HMCN1: variants seen among roughly 807,000 people sequenced by gnomAD.
The protein encoded by HMCN1 is hemicentin 1, also known as hemicentin-1.
A neutral mutation model predicts 625.9 loss-of-function variants in HMCN1; 321 were observed. The observed-to-expected ratio is 0.51, with a 90% CI of 0.47 to 0.56. The LOEUF is 0.56. Among genes scored for constraint, HMCN1 ranks in the 20% least tolerant of loss-of-function variants. The probability of loss-of-function intolerance (pLI) is 0.00; values close to 1 mark genes in which losing one functional copy is unlikely to be tolerated. For synonymous variants in HMCN1, 2,425 were observed against 2,417.6 expected, an observed-to-expected ratio of 1.00 and a Z score of -0.09; for missense variants, 6,588 against 6,887.3, an observed-to-expected ratio of 0.96 and a Z score of 1.54.
chr1:185,803,204 G>GA (rs1557981375), intron 1 of HMCN1, among the ~76,000 whole-genome samples: 37 of 23,706 alleles, frequency 1.6e-3, no homozygotes, highest in Non-Finnish European at 2.0e-3. Context: ...AAAAAAAAAA[G>GA]CAAAAAAAAA....
At chr1:185,772,297 T>C (rs1046602820) in intron 1 of HMCN1, among the ~76,000 whole-genome samples, 1 of 152,140 alleles carries the variant, frequency 6.6e-6, no homozygotes, top group Non-Finnish European at 1.5e-5. Context: ...CTTTAAAAGA[T>C]AACTCTCAAA....
intron 29 of HMCN1, among the ~76,000 whole-genome samples, chr1:186,006,699 T>G (rs1235571205): frequency 1.3e-5 from 2 of 151,570 alleles, no homozygotes; most frequent in African/African-American, 2.4e-5. Context: ...TATAATGATA[T>G]TATTTAAAAA....
At position 185,977,836 on chromosome 1, in the gene HMCN1, C is replaced by G; in HGVS notation, c.2421C>G (p.Gly807=). ...QEPADVSMEI[G]SNVTLPCYVQ... ...CTGCTGATGTGTCTATGGAAATTGG[C>G]TCAAATGTGACATTACCTTGTTATG... Residue 807 remains glycine (G), a synonymous_variant, in exon 16 of 107, where the codon GGC becomes GGG. Transcript: ENST00000271588. 1 of 1,613,228 alleles carries G rather than the reference C, an allele frequency of 6.2e-7. No individual in the cohort carries two copies. The highest frequency in any genetic ancestry group is 8.5e-7 in the Non-Finnish European group (1 of 1,179,422).
intron 55 of HMCN1, among the ~76,000 whole-genome samples, chr1:186,078,696 G>T (rs1482237960): frequency 6.6e-6 from 1 of 152,154 alleles, no homozygotes; most frequent in Non-Finnish European, 1.5e-5. Flanking sequence ...TGAAGCCCTA[G>T]AATTGAATTT....
intron 105 of HMCN1, among the ~76,000 whole-genome samples, chr1:186,184,662 A>AAATT: frequency 7.8e-6 from 1 of 127,620 alleles, no homozygotes. Flanking sequence ...TCAAGAATCT[A>AAATT]AATTACTTAT....
intron 46 of HMCN1, among the ~76,000 whole-genome samples, chr1:186,060,029 A>G (rs768955750): frequency 3.9e-5 from 6 of 152,058 alleles, no homozygotes; most frequent in Admixed American, 3.3e-4. Context: ...CCTAATTGAC[A>G]TAAGTTTTTA....
At chr1:186,162,962 C>T (rs1443009435) in intron 97 of HMCN1, among the ~76,000 whole-genome samples, 1 of 152,208 alleles carries the variant, frequency 6.6e-6, no homozygotes, top group Non-Finnish European at 1.5e-5. Flanking sequence ...ACATTTAAGT[C>T]TGCAGAGGTT....
At chr1:185,924,972 T>C in intron 8 of HMCN1, 75 bp from the exon 9 acceptor site, 1 of 1,243,778 alleles carries the variant, frequency 8.0e-7, no homozygotes, top group Admixed American at 2.0e-5. Flanking sequence ...TTTGAATGGA[T>C]TAAGAGGCAG....
At position 186,189,648 on chromosome 1, in the gene HMCN1, G is replaced by GA; in HGVS notation, c.16679dup (p.Asp5560GlufsTer15). The GA allele has an allele frequency of 6.2e-7, 1 of 1,612,298 alleles. No homozygotes were observed. The highest frequency in any genetic ancestry group is 8.5e-7 in the Non-Finnish European group (1 of 1,178,886). On this transcript the variant is annotated frameshift_variant, in exon 107 of 107. Coordinates refer to ENST00000271588, the MANE Select transcript of HMCN1 (RefSeq NM_031935.3). LOFTEE classifies it high-confidence loss of function. Reference sequence around the variant, plus strand: ...AATCCGGCTGGTTGCATACACACAGGATGGAGTGATGCATCCCAGGACAAC... The same window carrying GA: ...AATCCGGCTGGTTGCATACACACAGGAATGGAGTGATGCATCCCAGGACAAC...
At chr1:186,062,169 A>G (rs1657746583) in intron 47 of HMCN1, among the ~76,000 whole-genome samples, 1 of 152,168 alleles carries the variant, frequency 6.6e-6, no homozygotes, top group Non-Finnish European at 1.5e-5. Flanking sequence ...TTAATTCACA[A>G]TTGCTCAACA....
In HMCN1 at chr1:186,151,205, C is replaced by A; in HGVS notation, c.14614C>A (p.Pro4872Thr). 1 of 1,613,556 alleles carries A rather than the reference C, an allele frequency of 6.2e-7. No individual in the cohort carries two copies. ...RCNVQACPGGPQRARGSVIGN... is the reference protein window; with the variant it reads ...RCNVQACPGGTQRARGSVIGN... The stretch of plus-strand genomic sequence containing the variant: ...GTTTTTTTTTCCCCCAATAGGTGGG[C>A]CCCAGCGAGCCAGAGGAAGTGTTAT... Residue 4872 changes from proline (P) to threonine (T), a missense_variant, in exon 94 of 107, where the codon CCC (proline) becomes ACC (threonine). Physicochemically the swap from Pro to Thr is conservative, Grantham distance 38 (BLOSUM62 -1). Around this residue, in one of 3 missense-constraint regions of HMCN1, gnomAD observed 1,954 missense variants for 2,013.1 expected, o/e 0.97. Transcript: ENST00000271588.
At chr1:185,913,200 G>A (rs1470933472) in intron 6 of HMCN1, among the ~76,000 whole-genome samples, 2 of 152,158 alleles carry the variant, frequency 1.3e-5, no homozygotes, top group African/African-American at 4.8e-5. Flanking sequence ...AGGTGAAAAG[G>A]CATGTGAAAG....
chr1:186,128,886 A>G (rs575883587), intron 83 of HMCN1, among the ~76,000 whole-genome samples: 43 of 152,180 alleles, frequency 2.8e-4, no homozygotes, highest in African/African-American at 1.0e-3. Context: ...TCTATCCCAA[A>G]ATTGAGTTCT....
At chr1:185,873,291 G>A (rs1663737637) in intron 4 of HMCN1, among the ~76,000 whole-genome samples, 1 of 152,052 alleles carries the variant, frequency 6.6e-6, no homozygotes, top group Non-Finnish European at 1.5e-5. Flanking sequence ...CAAAGTCTTT[G>A]AAAAACTCAT....
intron 1 of HMCN1, among the ~76,000 whole-genome samples, chr1:185,799,096 G>A (rs1658603757): frequency 6.6e-6 from 1 of 150,692 alleles, no homozygotes; most frequent in Non-Finnish European, 1.5e-5. Context: ...TTTGGCCTTG[G>A]TTCTAAGGGT....
intron 85 of HMCN1, 54 bp from the exon 86 acceptor site, chr1:186,132,274 A>G: frequency 8.0e-7 from 1 of 1,255,302 alleles, no homozygotes; most frequent in Non-Finnish European, 1.2e-6. Context: ...GAAAAAAGTG[A>G]TTGCCCTGCT....
intron 24 of HMCN1, among the ~76,000 whole-genome samples, chr1:185,996,725 C>T (rs1040292971): frequency 5.9e-5 from 9 of 151,948 alleles, no homozygotes; most frequent in African/African-American, 9.7e-5. Context: ...GACATGGTGA[C>T]GGATTGGATA....
In HMCN1 at chr1:186,137,481, C is replaced by A. The variant is rs1333816373; in HGVS notation, c.13583-17C>A. The A allele has an allele frequency of 6.2e-7, 1 of 1,611,482 alleles. No homozygotes were observed. The highest frequency in any genetic ancestry group is 8.5e-7 in the Non-Finnish European group (1 of 1,178,918). ...TATTTGCAAAAGCTTAGACAAAGTA[C>A]AATGTTTTATTTGCAGTTCATGGTG... On this transcript the variant is annotated splice_polypyrimidine_tract_variant and intron_variant, in intron 87 of 106. Coordinates refer to ENST00000271588, the MANE Select transcript of HMCN1 (RefSeq NM_031935.3).
At position 186,178,716 on chromosome 1, in the gene HMCN1, T is replaced by G; in HGVS notation, c.16244T>G (p.Ile5415Ser). The G allele has an allele frequency of 6.2e-7, 1 of 1,614,126 alleles. No homozygotes were observed. The highest frequency in any genetic ancestry group is 8.5e-7 in the Non-Finnish European group (1 of 1,179,964). Residue 5415 changes from isoleucine (I) to serine (S), a missense_variant, in exon 104 of 107, where the codon ATT becomes AGT. Around this residue, in one of 3 missense-constraint regions of HMCN1, gnomAD observed 1,954 missense variants for 2,013.1 expected, o/e 0.97. Transcript: ENST00000271588. ...TCTCTCTCCAGGACTAGAAGGACTA[T>G]TAGGAAAACTTGCCCTGAAGGCTCT... is the stretch of plus-strand genomic sequence containing the variant. ...RTSLSRTRRT[I>S]RKTCPEGSEA...
Sources: gnomAD v4.1 joint callset for allele counts (sites outside exome capture counted in the v4.1 genomes callset) on GRCh38, gnomAD v4.1.1 for gene constraint, gnomAD v4.1.1 regional missense constraint, MANE v1.5 for transcripts, NCBI Gene and HGNC (gene_info 2026-07-23, HGNC 2026-07-21) for gene names.